Variants in ARF4 observed in about 807,000 individuals in gnomAD.
The protein encoded by ARF4 is ADP-ribosylation factor 4.
ARF4 carries 5 observed loss-of-function variants against 24.3 expected under a neutral mutation model. The ratio of observed to expected loss-of-function variants is 0.21; its 90% confidence interval spans 0.11 to 0.43. ARF4 has a LOEUF of 0.43. ARF4 is among the 20% of genes least tolerant of loss of function. The probability of loss-of-function intolerance (pLI) is 1.00; values close to 1 mark genes in which losing one functional copy is unlikely to be tolerated. For missense variants in ARF4, 107 were observed against 213.0 expected, an observed-to-expected ratio of 0.50 and a Z score of 3.10; for synonymous variants, 62 against 73.5, an observed-to-expected ratio of 0.84 and a Z score of 0.80.
At chr3:57,594,099 T>C (rs559599532) in intron 1 of ARF4, among the ~76,000 whole-genome samples, 34 of 152,076 alleles carry the variant, frequency 2.2e-4, no homozygotes, top group African/African-American at 7.5e-4. Context: ...CTACTAAAAA[T>C]ACAAACATTA....
intron 3 of ARF4, among the ~76,000 whole-genome samples, chr3:57,581,527 G>A (rs544006294): frequency 3.3e-5 from 5 of 152,172 alleles, no homozygotes; most frequent in African/African-American, 7.2e-5. Context: ...TTGGCCAAGC[G>A]CAGTAGCTCA....
At chr3:57,578,144 C>T (rs911415373) in intron 3 of ARF4, among the ~76,000 whole-genome samples, 4 of 152,026 alleles carry the variant, frequency 2.6e-5, no homozygotes, top group Non-Finnish European at 5.9e-5. Context: ...GGTGGGATAG[C>T]GCGAGTGTGT....
At position 57,597,169 on chromosome 3, in the gene ARF4, A is replaced by G. The variant is rs752025288; in HGVS notation, c.-29T>C. On this transcript the variant is annotated 5_prime_UTR_variant, in exon 1 of 6. Coordinates refer to ENST00000303436, the MANE Select transcript of ARF4 (RefSeq NM_001660.4). ...GGTAGTGGCACTTGTGATGGGCAGA[A>G]GCAGAAGGGGTTTGGGGCGACCCCG... The G allele has an allele frequency of 1.2e-6, 2 of 1,602,792 alleles. No homozygotes were observed. The highest frequency in any genetic ancestry group is 1.7e-6 in the Non-Finnish European group (2 of 1,170,040).
chr3:57,574,906 T>A (rs1272396221), intron 5 of ARF4, among the ~76,000 whole-genome samples: 1 of 149,568 alleles, frequency 6.7e-6, no homozygotes, highest in African/African-American at 2.5e-5. Context: ...TGGAGTGCAG[T>A]GGCGCGATCG....
At chr3:57,575,791 C>T (rs995519048) in intron 4 of ARF4, 118 bp from the exon 5 acceptor site, 8 of 1,143,602 alleles carry the variant, frequency 7.0e-6, no homozygotes, top group Non-Finnish European at 9.4e-6. Context: ...CCTAATTTCT[C>T]GACACAAAGT....
At chr3:57,586,220 G>A (rs576836318) in intron 1 of ARF4, among the ~76,000 whole-genome samples, 5 of 152,202 alleles carry the variant, frequency 3.3e-5, no homozygotes, top group South Asian at 4.1e-4. Flanking sequence ...ATATCTGGCC[G>A]CCTGGGTTTA....
chr3:57,588,524 A>G lies in ARF4; in HGVS notation c.68-4060T>C, dbSNP rs2070065654. 3.3e-5 allele frequency among the ~76,000 whole-genome samples: 5 copies of G among 151,690 alleles called. No homozygotes were observed. In the South Asian group the frequency reaches 1.0e-3, roughly 32 times the overall value. ...GGAGTTTGTGACCAGCCTGGACAACATGGCAAAACCCTGTCACTACAAAAA... is the reference window on the plus strand; with the variant it reads ...GGAGTTTGTGACCAGCCTGGACAACGTGGCAAAACCCTGTCACTACAAAAA... On this transcript the variant is annotated intron_variant, in intron 1 of 5. Transcript: ENST00000303436.
At chr3:57,590,908 G>GT (rs750315122) in intron 1 of ARF4, among the ~76,000 whole-genome samples, 1 of 152,124 alleles carries the variant, frequency 6.6e-6, no homozygotes, top group Non-Finnish European at 1.5e-5. Flanking sequence ...CTGCGTAATA[G>GT]TTTAAAATAA....
At chr3:57,582,323 A>G (rs995616663) in intron 3 of ARF4, among the ~76,000 whole-genome samples, 2 of 149,054 alleles carry the variant, frequency 1.3e-5, no homozygotes, top group African/African-American at 5.0e-5. Flanking sequence ...GCTCATCACA[A>G]CCTCCACCTC....
chr3:57,592,015 C>A (rs1218635161), intron 1 of ARF4, among the ~76,000 whole-genome samples: 1 of 152,054 alleles, frequency 6.6e-6, no homozygotes, highest in Non-Finnish European at 1.5e-5. Context: ...ATACTAAAAC[C>A]CACGGAACTG....
chr3:57,575,704 A>C lies in ARF4; in HGVS notation c.331-31T>G, dbSNP rs776166858. ...AATAAAAGGTAAGGCATTAACAACT[A>C]CCAACCGGAATCCAATTTTTGAAAA... On this transcript the variant is annotated intron_variant, in intron 4 of 5. Transcript: ENST00000303436. The C allele has an allele frequency of 9.5e-6, 15 of 1,574,348 alleles. No individual in the cohort carries two copies. In the Admixed American group the frequency reaches 2.3e-4, roughly 25 times the overall value.
At chr3:57,579,908 C>G (rs1017506080) in intron 3 of ARF4, among the ~76,000 whole-genome samples, 2 of 151,940 alleles carry the variant, frequency 1.3e-5, no homozygotes, top group African/African-American at 4.8e-5. Context: ...TCAAGATCAC[C>G]CTGGGCAGAG....
At position 57,575,562 on chromosome 3, in the gene ARF4, G is replaced by C; in HGVS notation, c.442C>G (p.Leu148Val). Residue 148 changes from leucine to valine, a missense_variant, in exon 5 of 6, where the codon CTT becomes GTT. Physicochemically the swap from Leu to Val is conservative, Grantham distance 32 (BLOSUM62 1). Coordinates refer to ENST00000303436, the MANE Select transcript of ARF4 (RefSeq NM_001660.4). ...EMTDKLGLQS[L>V]RNRTWYVQAT... ...CAAATACTTACTGTTCTGTTACGAAGAGACTGAAGCCCTAGTTTATCTGTC... is the reference window on the plus strand; with the variant it reads ...CAAATACTTACTGTTCTGTTACGAACAGACTGAAGCCCTAGTTTATCTGTC... 2 of 1,612,608 alleles carry C rather than the reference G, an allele frequency of 1.2e-6. No homozygotes were observed. Among genetic ancestry groups the C allele is most frequent in the Non-Finnish European group, 1.7e-6 (2 of 1,179,556 alleles).
rs2069966939 is a variant in ARF4 at position 57,581,237 on chromosome 3, G to A, written c.258+2661C>T. ...ATAGCTAGGAGAACTGATCAGTAAT[G>A]CTGGGAATGCAAGCTAAGAGCTTAG... On this transcript the variant is annotated intron_variant, in intron 3 of 5. Coordinates refer to ENST00000303436, the MANE Select transcript of ARF4 (RefSeq NM_001660.4). 9.8e-5 allele frequency among the ~76,000 whole-genome samples: 15 copies of A among 152,300 alleles called. No homozygotes were observed. In the South Asian group the frequency reaches 2.9e-3, roughly 29 times the overall value.
intron 5 of ARF4, among the ~76,000 whole-genome samples, chr3:57,575,343 C>T (rs2069890830): frequency 1.3e-5 from 2 of 150,458 alleles, no homozygotes; most frequent in African/African-American, 2.4e-5. Context: ...TATCAATAAT[C>T]TTTAGACCTA....
chr3:57,573,746 T>C (rs773434564), intron 5 of ARF4, among the ~76,000 whole-genome samples: 1 of 152,018 alleles, frequency 6.6e-6, no homozygotes, highest in Non-Finnish European at 1.5e-5. Flanking sequence ...CACGACCAGC[T>C]AATTTTTGTA....
At chr3:57,573,813 C>T (rs1465121555) in intron 5 of ARF4, among the ~76,000 whole-genome samples, 2 of 152,200 alleles carry the variant, frequency 1.3e-5, no homozygotes, top group Non-Finnish European at 2.9e-5. Flanking sequence ...AACTCCTGGT[C>T]TCAAGTGATC....
intron 1 of ARF4, among the ~76,000 whole-genome samples, chr3:57,595,474 A>T (rs1238096925): frequency 6.6e-6 from 1 of 152,226 alleles, no homozygotes; most frequent in African/African-American, 2.4e-5. Context: ...TGACAAAGGA[A>T]ATCTAAGAAA....
intron 1 of ARF4, among the ~76,000 whole-genome samples, chr3:57,588,510 C>T (rs1051587710): frequency 6.6e-6 from 1 of 151,348 alleles, no homozygotes; most frequent in Non-Finnish European, 1.5e-5. Flanking sequence ...GAGTTTGTGA[C>T]CAGCCTGGAC....
Sources: gnomAD v4.1 joint callset for allele counts (sites outside exome capture counted in the v4.1 genomes callset) on GRCh38, gnomAD v4.1.1 for gene constraint, MANE v1.5 for transcripts, NCBI Gene and HGNC (gene_info 2026-07-23, HGNC 2026-07-21) for gene names.